The following TRAF2 variants were observed in gnomAD, a reference collection of about 807,000 sequenced individuals.
The protein encoded by TRAF2 is TNF receptor associated factor 2.
Under a neutral mutation model 55.6 loss-of-function variants are expected in TRAF2, and 6 were observed. The observed-to-expected ratio is 0.11, with a 90% CI of 0.06 to 0.21. The LOEUF is 0.21. Ranked by LOEUF, TRAF2 falls within the 10% of genes least tolerant of loss-of-function variation. TRAF2 has a pLI of 1.00. For missense variants in TRAF2, 561 were observed against 684.5 expected, an observed-to-expected ratio of 0.82 and a Z score of 2.01; for synonymous variants, 329 against 276.3, an observed-to-expected ratio of 1.19 and a Z score of -1.89.
upstream of TRAF2, among the ~76,000 whole-genome samples, chr9:136,884,746 G>A (rs1849415060): frequency 6.6e-6 from 1 of 152,174 alleles, no homozygotes; most frequent in African/African-American, 2.4e-5. Context: ...TTTTTTGGTA[G>A]AGATGGGGTT....
chr9:136,915,823 G>T (rs1050855024), intron 6 of TRAF2, among the ~76,000 whole-genome samples: 1 of 152,168 alleles, frequency 6.6e-6, no homozygotes, highest in African/African-American at 2.4e-5. Flanking sequence ...AATTGTTCAA[G>T]GTTCTTATGT....
In TRAF2 at chr9:136,926,232, G is replaced by A; in HGVS notation, c.*331G>A. Reference sequence around the variant, plus strand: ...AGAGGCCCTGGGTGGGGGACACTCAGAGTGGGAGCACATCCCAGCAGTGCC... The same window carrying A: ...AGAGGCCCTGGGTGGGGGACACTCAAAGTGGGAGCACATCCCAGCAGTGCC... On this transcript the variant is annotated 3_prime_UTR_variant, in exon 11 of 11. Coordinates refer to ENST00000247668, the MANE Select transcript of TRAF2 (RefSeq NM_021138.4). The A allele has an allele frequency of 2.2e-6, 1 of 452,896 alleles. No homozygotes were observed. Among genetic ancestry groups the A allele is most frequent in the East Asian group, 4.9e-5 (1 of 20,410 alleles). The allele number at this position is 452,896 out of a possible 1,614,324, so 28.1% of individuals were successfully genotyped here. A position where few individuals can be genotyped will look rare whatever the true frequency, so the allele number is the denominator to read the frequency against.
intron 4 of TRAF2, among the ~76,000 whole-genome samples, chr9:136,903,833 C>T (rs1051750746): frequency 2.0e-5 from 3 of 152,100 alleles, no homozygotes; most frequent in Non-Finnish European, 4.4e-5. Context: ...CAGGCGCCCC[C>T]ACCACTCCCG....
intron 1 of TRAF2, among the ~76,000 whole-genome samples, chr9:136,897,993 T>C (rs1157390966): frequency 8.3e-6 from 1 of 120,174 alleles, no homozygotes; most frequent in Non-Finnish European, 1.7e-5. Context: ...CTATAGGGAG[T>C]GCACTAGCCA....
intron 1 of TRAF2, among the ~76,000 whole-genome samples, chr9:136,893,818 C>G (rs372538786): frequency 1.3e-5 from 2 of 152,016 alleles, no homozygotes; most frequent in Non-Finnish European, 2.9e-5. Context: ...GGTGCAATAT[C>G]GGCTCACTGC....
chr9:136,887,531 C>T (rs962032128), intron 1 of TRAF2, among the ~76,000 whole-genome samples: 5 of 152,102 alleles, frequency 3.3e-5, no homozygotes, highest in Non-Finnish European at 5.9e-5. Flanking sequence ...GTCTGGCAGC[C>T]GGTGAAGACG....
At chr9:136,920,593 C>T (rs1044592323) in intron 8 of TRAF2, 78 bp downstream of exon 8, 2 of 1,486,582 alleles carry the variant, frequency 1.3e-6, no homozygotes, top group Non-Finnish European at 1.8e-6. Flanking sequence ...CAGGTTCTAG[C>T]AGGTCCTGGA....
upstream of TRAF2, among the ~76,000 whole-genome samples, chr9:136,885,429 G>A (rs1345123878): frequency 6.6e-6 from 1 of 152,134 alleles, no homozygotes; most frequent in African/African-American, 2.4e-5. Flanking sequence ...CCGTTCTCCT[G>A]GGCAGATGAC....
upstream of TRAF2, among the ~76,000 whole-genome samples, chr9:136,882,478 G>A (rs1006061994): frequency 2.6e-5 from 4 of 152,204 alleles, no homozygotes; most frequent in African/African-American, 4.8e-5. Context: ...GTCAGGACAC[G>A]GAGCCCAGGA....
At position 136,925,927 on chromosome 9, in the gene TRAF2, T is replaced by TGGGGGCAGCC. The variant is rs774155394; in HGVS notation, c.*27_*36dup. ...CTGCCCCCTACTGGTGTCTGGGGGT[T>TGGGGGCAGCC]GGGGGCAGCCAGGCACAGCCGGCTC... is the stretch of plus-strand genomic sequence containing the variant. On this transcript the variant is annotated 3_prime_UTR_variant, in exon 11 of 11. Transcript: ENST00000247668. The TGGGGGCAGCC allele has an allele frequency of 5.0e-6, 8 of 1,612,268 alleles. No individual in the cohort carries two copies. The East Asian group carries it at 1.8e-4, about 36-fold the overall frequency.
intron 3 of TRAF2, among the ~76,000 whole-genome samples, chr9:136,899,887 C>T (rs548290425): frequency 2.0e-5 from 3 of 151,394 alleles, no homozygotes; most frequent in Admixed American, 6.6e-5. Context: ...TACCAGGGGC[C>T]GGGCTCAGTG....
chr9:136,924,887 C>T (rs575974981), intron 10 of TRAF2, among the ~76,000 whole-genome samples: 13 of 151,952 alleles, frequency 8.6e-5, no homozygotes, highest in South Asian at 6.2e-4. Flanking sequence ...TACAGGCATG[C>T]ACCACCACGC....
chr9:136,923,757 T>G (rs2131336316), intron 9 of TRAF2, 95 bp from the exon 10 acceptor site: 2 of 1,303,888 alleles, frequency 1.5e-6, no homozygotes, highest in Non-Finnish European at 2.1e-6. Flanking sequence ...TCTTTGTAGG[T>G]GTTTTTGTCC....
intron 7 of TRAF2, among the ~76,000 whole-genome samples, chr9:136,917,084 G>A (rs553389013): frequency 1.3e-5 from 2 of 152,302 alleles, no homozygotes; most frequent in African/African-American, 4.8e-5. Flanking sequence ...GCTGACAGAG[G>A]TCTCGTCTAC....
intron 7 of TRAF2, among the ~76,000 whole-genome samples, chr9:136,919,032 G>A (rs1850315801): frequency 1.9e-5 from 1 of 52,116 alleles, no homozygotes; most frequent in African/African-American, 8.4e-5. Flanking sequence ...ACTGCACCTG[G>A]CCTATTTTAA....
At chr9:136,911,945 G>A (rs953035570) in intron 6 of TRAF2, among the ~76,000 whole-genome samples, 1 of 136,428 alleles carries the variant, frequency 7.3e-6, no homozygotes, top group Non-Finnish European at 1.5e-5. Context: ...CGCCTCCTGG[G>A]TTCACGCCAT....
intron 6 of TRAF2, among the ~76,000 whole-genome samples, chr9:136,913,224 GCT>G (rs372948980): frequency 2.8e-4 from 43 of 150,910 alleles, no homozygotes; most frequent in African/African-American, 9.5e-4. Context: ...TTTCTTCGAA[GCT>G]CTTTTTGTTC....
rs1396281080 is a variant in TRAF2, at chr9:136,908,208, C to A, written c.505C>A (p.Pro169Thr). Reference protein sequence around the residue: ...RSLSCRHCRAPCCGADVKAHH... With the variant: ...RSLSCRHCRATCCGADVKAHH... ...CCTGAGCTGCCGGCATTGCCGGGCACCCTGCTGCGGAGCAGACGTGAAGGT... is the reference window on the plus strand; with the variant it reads ...CCTGAGCTGCCGGCATTGCCGGGCAACCTGCTGCGGAGCAGACGTGAAGGT... The change falls in exon 5 of 11, where the codon CCC (proline) becomes ACC (threonine). Residue 169 changes from proline (P) to threonine (T), a missense_variant. Around this residue, in one of 2 missense-constraint regions of TRAF2, gnomAD observed 426 missense variants for 476.8 expected, o/e 0.89. Transcript: ENST00000247668. 1.3e-6 allele frequency: 2 copies of A among 1,596,242 alleles called. No homozygotes were observed. The highest frequency in any genetic ancestry group is 2.7e-5 in the African/African-American group (2 of 74,914).
intron 7 of TRAF2, 134 bp downstream of exon 7, chr9:136,916,749 G>A (rs973466924): frequency 2.9e-5 from 24 of 841,818 alleles, no homozygotes; most frequent in African/African-American, 1.8e-4. Context: ...CTCCTGCCCC[G>A]GCTGTCCGAG....
Sources: gnomAD v4.1 joint callset for allele counts (sites outside exome capture counted in the v4.1 genomes callset) on GRCh38, gnomAD v4.1.1 for gene constraint, gnomAD v4.1.1 regional missense constraint, MANE v1.5 for transcripts, NCBI Gene and HGNC (gene_info 2026-07-23, HGNC 2026-07-21) for gene names.